The following CHAF1A variants were observed in gnomAD, a reference collection of about 807,000 sequenced individuals.
CHAF1A encodes the protein chromatin assembly factor 1 subunit A.
Under a neutral mutation model 93.2 loss-of-function variants are expected in CHAF1A, and 5 were observed. That is an observed-to-expected ratio of 0.05 (90% CI 0.03 to 0.11). CHAF1A has a LOEUF of 0.11. Ranked by LOEUF, CHAF1A falls within the 10% of genes least tolerant of loss-of-function variation. The pLI is 1.00. For synonymous variants in CHAF1A, 504 were observed against 510.3 expected (o/e 0.99, Z 0.17); for missense variants, 1,102 against 1,259.9 (o/e 0.87, Z 1.90).
chr19:4,448,466 G>A (rs376520962), downstream of CHAF1A: 33 of 1,460,092 alleles, frequency 2.3e-5, no homozygotes, highest in South Asian at 1.1e-4. Context: ...CGGGCCGCAC[G>A]GCCCTCCGCT....
In CHAF1A at chr19:4,402,675, G is replaced by A. The variant is rs1017537219; in HGVS notation, c.-88G>A. 14 of 887,898 alleles carry A rather than the reference G, an allele frequency of 1.6e-5. No individual in the cohort carries two copies. In the African/African-American group the frequency reaches 2.5e-4, roughly 16 times the overall value. 55.0% of individuals were successfully genotyped at this position (887,898 alleles called of 1,614,324 possible). A position where few individuals can be genotyped will look rare whatever the true frequency, so the allele number is the denominator to read the frequency against. ...CGCGGCGGCCGCGGCGGCAGCAGCGGCGCGGGCGGGAGGGCGAAGAGCAGC... is the reference window on the plus strand; with the variant it reads ...CGCGGCGGCCGCGGCGGCAGCAGCGACGCGGGCGGGAGGGCGAAGAGCAGC... On this transcript the variant is annotated 5_prime_UTR_variant, in exon 1 of 15. Coordinates refer to ENST00000301280, the MANE Select transcript of CHAF1A (RefSeq NM_005483.3).
At chr19:4,439,713 CTTCTT>C (rs1172766933) in intron 13 of CHAF1A, among the ~76,000 whole-genome samples, 1 of 152,238 alleles carries the variant, frequency 6.6e-6, no homozygotes, top group Non-Finnish European at 1.5e-5. Flanking sequence ...CTCTTAGACT[CTTCTT>C]TGCTTAACTA....
At chr19:4,424,569 T>G (rs1974047075) in intron 7 of CHAF1A, among the ~76,000 whole-genome samples, 1 of 152,192 alleles carries the variant, frequency 6.6e-6, no homozygotes, top group African/African-American at 2.4e-5. Flanking sequence ...GGTCTGGTGA[T>G]CCTGTCACCT....
At chr19:4,419,035 T>C (rs943116337) in intron 4 of CHAF1A, among the ~76,000 whole-genome samples, 1 of 144,306 alleles carries the variant, frequency 6.9e-6, no homozygotes, top group Non-Finnish European at 1.5e-5. Context: ...GCTAATTTTT[T>C]TTTTTTTTTT....
chr19:4,422,600 G>A lies in CHAF1A; in HGVS notation c.1052G>A (p.Arg351His), dbSNP rs769517946. The change falls in exon 5 of 15, where the codon CGT (arginine) becomes CAT (histidine). Residue 351 changes from arginine to histidine, a missense_variant. Arg to His is a conservative substitution (Grantham distance 29). This residue lies in a region of CHAF1A where 165 missense variants were observed against 243.9 expected (regional missense o/e 0.68). Coordinates refer to ENST00000301280, the MANE Select transcript of CHAF1A (RefSeq NM_005483.3). This position sits in a 1 kb window ranked among gnomAD's most constrained non-coding sequence, Gnocchi z 4.6. ...CGTCTGGGCAAGCAGCTCAAGTTAC[G>A]TGCAGAAAGGGAAGAAAAGGAGAAG... ...QERLGKQLKL[R>H]AEREEKEKLK... 1.0e-5 allele frequency: 16 copies of A among 1,578,408 alleles called. No homozygotes were observed. The African/African-American group carries it at 1.3e-4, about 13-fold the overall frequency.
At position 4,409,651 on chromosome 19, in the gene CHAF1A, T is replaced by C; in HGVS notation, c.852T>C (p.His284=). 1 of 1,614,128 alleles carries C rather than the reference T, an allele frequency of 6.2e-7. No homozygotes were observed. Among genetic ancestry groups the C allele is most frequent in the Non-Finnish European group, 8.5e-7 (1 of 1,180,024 alleles). Residue 284 remains histidine, a synonymous_variant, in exon 3 of 15, where the codon CAT becomes CAC. Transcript: ENST00000301280. ...CCGAAGAAGACTCTGTACTCAGCCA[T>C]TCGTCCCTGAGCTCTCCCTCTTCCA... is the stretch of plus-strand genomic sequence containing the variant. ...SFPEEDSVLS[H]SSLSSPSSTS...
Position 4,442,920 on chromosome 19 carries a change from T to C in CHAF1A, c.2771-5T>C, listed in dbSNP as rs767644125. 3.2e-6 allele frequency: 5 copies of C among 1,577,850 alleles called. No homozygotes were observed. In the South Asian group the frequency reaches 3.6e-5, roughly 11 times the overall value. On this transcript the variant is annotated splice_region_variant and splice_polypyrimidine_tract_variant and intron_variant, in intron 14 of 14. Transcript: ENST00000301280. ...GCTCAAGACCCTCCCTCTCTTGCCC[T>C]GCAGAGGTCCAAGCCCCGTGTGGAG...
chr19:4,404,696 A>G (rs748786662), intron 1 of CHAF1A, among the ~76,000 whole-genome samples: 4 of 152,196 alleles, frequency 2.6e-5, no homozygotes, highest in Non-Finnish European at 4.4e-5. Context: ...TACAAAACAT[A>G]CGTAGATTAA....
chr19:4,413,303 C>T (rs1197160882), intron 3 of CHAF1A, among the ~76,000 whole-genome samples: 1 of 152,100 alleles, frequency 6.6e-6, no homozygotes, highest in Admixed American at 6.5e-5. Context: ...AACTCCTGAC[C>T]TCGTGATCCG....
At chr19:4,429,064 A>G in intron 8 of CHAF1A, 174 bp downstream of exon 8, 1 of 606,418 alleles carries the variant, frequency 1.6e-6, no homozygotes, top group South Asian at 2.0e-5. Flanking sequence ...CCTTCCTGTA[A>G]GCTCCTGAAG....
rs368023959 is a variant in CHAF1A at position 4,418,005 on chromosome 19, G to A, written c.961-15G>A. ...AAATAACCCGTGTTTAAAGATAAAC[G>A]TCTTCTGTTTTCAGATAACTAAGAA... On this transcript the variant is annotated splice_polypyrimidine_tract_variant and intron_variant, in intron 3 of 14. Coordinates refer to ENST00000301280, the MANE Select transcript of CHAF1A (RefSeq NM_005483.3). 2.5e-5 allele frequency: 39 copies of A among 1,586,160 alleles called. No individual in the cohort carries two copies. Among genetic ancestry groups the A allele is most frequent in the Admixed American group, 7.1e-5 (4 of 56,664 alleles).
the CHAF1A span, chr19:4,450,197 C>A: frequency 2.0e-5 from 3 of 148,102 alleles, no homozygotes; most frequent in African/African-American, 7.5e-5. Context: ...TGCACTCCAG[C>A]CTGGTGACAG....
intron 1 of CHAF1A, among the ~76,000 whole-genome samples, chr19:4,403,884 C>A (rs1466546143): frequency 6.6e-6 from 1 of 152,220 alleles, no homozygotes; most frequent in Non-Finnish European, 1.5e-5. Flanking sequence ...GAGACTGAGT[C>A]TTGCTCTGTT....
chr19:4,403,385 C>T (rs1283771407), intron 1 of CHAF1A, among the ~76,000 whole-genome samples: 1 of 152,218 alleles, frequency 6.6e-6, no homozygotes, highest in Non-Finnish European at 1.5e-5. Flanking sequence ...CTTTGGAGCC[C>T]ACCACAGGCC....
chr19:4,432,321 T>C, intron 12 of CHAF1A, 114 bp downstream of exon 12: 1 of 1,222,440 alleles, frequency 8.2e-7, no homozygotes, highest in Non-Finnish European at 1.1e-6. Flanking sequence ...TTTCCACAAA[T>C]AACAGAGGCC....
rs768286204 is a variant in CHAF1A, at chr19:4,442,323, G to A, written c.2752G>A (p.Asp918Asn). ...GGAGGAGGGCGACTGTATGATCGTGGATGTCCCGGATGCTGCGGGTGAGAA... is the reference window on the plus strand; with the variant it reads ...GGAGGAGGGCGACTGTATGATCGTGAATGTCCCGGATGCTGCGGGTGAGAA... ...EEEEGDCMIV[D>N]VPDAAEVQAP... The change falls in exon 14 of 15, where the codon GAT (aspartate) becomes AAT (asparagine). Residue 918 changes from aspartate (D) to asparagine (N), a missense_variant. Around this residue, in one of 6 missense-constraint regions of CHAF1A, gnomAD observed 119 missense variants for 102.2 expected, o/e 1.16. Transcript: ENST00000301280. 2.5e-6 allele frequency: 4 copies of A among 1,602,876 alleles called. No homozygotes were observed. The highest frequency in any genetic ancestry group is 3.4e-6 in the Non-Finnish European group (4 of 1,174,092).
At chr19:4,436,087 C>T (rs1268408219) in intron 13 of CHAF1A, among the ~76,000 whole-genome samples, 1 of 151,460 alleles carries the variant, frequency 6.6e-6, no homozygotes, top group African/African-American at 2.4e-5. Context: ...TGCAGTGAGC[C>T]GAGACCACAC....
chr19:4,450,475 G>A, the CHAF1A span: 7 of 152,030 alleles, frequency 4.6e-5, no homozygotes, highest in Non-Finnish European at 7.4e-5. Context: ...TGTAAAGAGT[G>A]CTGCCGGGCA....
rs200677191 is a variant in CHAF1A, at chr19:4,402,662, G to GGCGGCAGCAGCGGCAGCA, written c.-87_-86insAGCAGCGGCAGCAGCGGC. 14 of 684,306 alleles carry GGCGGCAGCAGCGGCAGCA rather than the reference G, an allele frequency of 2.0e-5. No homozygotes were observed. The highest frequency in any genetic ancestry group is 2.2e-5 in the Non-Finnish European group (11 of 504,344). 42.4% of individuals were successfully genotyped at this position (684,306 alleles called of 1,614,324 possible). The stretch of plus-strand genomic sequence containing the variant: ...CGCCAAATACGAGCGCGGCGGCCGC[G>GGCGGCAGCAGCGGCAGCA]GCGGCAGCAGCGGCGCGGGCGGGAG... On this transcript the variant is annotated 5_prime_UTR_variant, in exon 1 of 15. Transcript: ENST00000301280.
Sources: gnomAD v4.1 joint callset for allele counts (sites outside exome capture counted in the v4.1 genomes callset) on GRCh38, gnomAD v4.1.1 for gene constraint, gnomAD v4.1.1 regional missense constraint, Gnocchi (gnomAD v3.1) non-coding constraint, MANE v1.5 for transcripts, NCBI Gene and HGNC (gene_info 2026-07-23, HGNC 2026-07-21) for gene names.